KMT2C: variants seen among roughly 807,000 people sequenced by gnomAD.
KMT2C encodes lysine methyltransferase 2C.
KMT2C carries 88 observed loss-of-function variants against 507.9 expected under a neutral mutation model. The observed-to-expected ratio is 0.17, with a 90% CI of 0.15 to 0.21. The LOEUF (loss-of-function observed/expected upper bound fraction) is 0.21. KMT2C is among the 10% of genes least tolerant of loss of function. The probability of loss-of-function intolerance (pLI) is 1.00; values close to 1 mark genes in which losing one functional copy is unlikely to be tolerated. For synonymous variants in KMT2C, 2,049 were observed against 2,080.8 expected (o/e 0.98, Z 0.42); for missense variants, 4,954 against 5,957.8 (o/e 0.83, Z 5.55).
At chr7:152,331,309 C>CAAA (rs60887703) in intron 2 of KMT2C, among the ~76,000 whole-genome samples, 2 of 136,488 alleles carry the variant, frequency 1.5e-5, no homozygotes, top group African/African-American at 2.7e-5. Flanking sequence ...GACCCTGTCT[C>CAAA]AAAAAAAAAA....
rs374186125 is a variant in KMT2C at position 152,162,499 on chromosome 7, G to A, written c.11078C>T (p.Thr3693Ile). ...ATTTGCATACGTCTGTTGATTTGGA[G>A]TTGCTTGTGAGAAATCACTATTGGG... ...KLPNSDFSQA[T>I]PNQQTYANSE... The change falls in exon 43 of 59, where the codon ACT (threonine) becomes ATT (isoleucine). Residue 3693 changes from threonine to isoleucine, a missense_variant. Physicochemically the swap from Thr to Ile is moderately conservative, Grantham distance 89. Coordinates refer to ENST00000262189, the MANE Select transcript of KMT2C (RefSeq NM_170606.3). The A allele has an allele frequency of 4.3e-6, 7 of 1,614,116 alleles. No homozygotes were observed. Among genetic ancestry groups the A allele is most frequent in the South Asian group, 3.3e-5 (3 of 91,090 alleles).
intron 20 of KMT2C, among the ~76,000 whole-genome samples, chr7:152,223,236 T>C (rs775854457): frequency 3.3e-5 from 5 of 152,134 alleles, no homozygotes; most frequent in Non-Finnish European, 7.3e-5. Context: ...TACAACAATA[T>C]ACCAATGAAA....
intron 15 of KMT2C, among the ~76,000 whole-genome samples, chr7:152,236,169 T>C (rs1194603173): frequency 2.0e-5 from 3 of 152,290 alleles, no homozygotes; most frequent in Non-Finnish European, 4.4e-5. Context: ...CTGTGAATGC[T>C]ATCAGCAAGC....
chr7:152,195,608 A>G (rs2093938536), intron 28 of KMT2C: 15 of 900,860 alleles, frequency 1.7e-5, no homozygotes, highest in African/African-American at 1.8e-5. Flanking sequence ...TGATTACCAC[A>G]GGAGCAGGAA....
intron 42 of KMT2C, 123 bp downstream of exon 42, chr7:152,167,023 A>T: frequency 1.4e-6 from 1 of 727,358 alleles, no homozygotes; most frequent in Non-Finnish European, 2.3e-6. Flanking sequence ...TTGGCAATGT[A>T]CTTTTAATGC....
chr7:152,342,050 A>G (rs2096999785), intron 2 of KMT2C, among the ~76,000 whole-genome samples: 1 of 152,228 alleles, frequency 6.6e-6, no homozygotes, highest in South Asian at 2.1e-4. Flanking sequence ...TGGAACTCCA[A>G]TTCCACCTGT....
At chr7:152,214,227 A>C (rs2094519721) in intron 23 of KMT2C, among the ~76,000 whole-genome samples, 1 of 152,230 alleles carries the variant, frequency 6.6e-6, no homozygotes, top group East Asian at 1.9e-4. Context: ...ATATATTCAA[A>C]GGTAATAAAA....
chr7:152,310,122 A>G, intron 5 of KMT2C, 47 bp from the exon 6 acceptor site: 1 of 1,219,368 alleles, frequency 8.2e-7, no homozygotes, highest in Non-Finnish European at 1.2e-6. Context: ...ACATTAAAAA[A>G]ATTAAAGCTA....
intron 8 of KMT2C, among the ~76,000 whole-genome samples, 172 bp downstream of exon 8, chr7:152,264,866 T>C (rs1191885170): frequency 1.3e-5 from 2 of 151,472 alleles, no homozygotes; most frequent in Admixed American, 1.3e-4. Context: ...ATTATGGATA[T>C]ATACTGGATA....
intron 1 of KMT2C, among the ~76,000 whole-genome samples, chr7:152,369,598 A>G (rs977680402): frequency 2.0e-5 from 3 of 152,172 alleles, no homozygotes; most frequent in Non-Finnish European, 4.4e-5. Context: ...AGAGGGATTA[A>G]TGTCGTTCTG....
At chr7:152,140,420 C>T (rs1365324786) in intron 55 of KMT2C, among the ~76,000 whole-genome samples, 2 of 152,244 alleles carry the variant, frequency 1.3e-5, no homozygotes, top group Admixed American at 6.5e-5. Flanking sequence ...AAGCAGCTCT[C>T]ACTGCGCAGC....
chr7:152,282,187 C>T, intron 6 of KMT2C, among the ~76,000 whole-genome samples: 2 of 151,818 alleles, frequency 1.3e-5, no homozygotes. Flanking sequence ...ATCCTAGCTA[C>T]TCGAGAGACT....
intron 31 of KMT2C, among the ~76,000 whole-genome samples, chr7:152,192,053 A>T (rs922550185): frequency 6.6e-6 from 1 of 152,000 alleles, no homozygotes; most frequent in African/African-American, 2.4e-5. Context: ...AAAAAAAAGA[A>T]AAAGAAGTCA....
intron 2 of KMT2C, among the ~76,000 whole-genome samples, chr7:152,331,808 C>T (rs1054210135): frequency 6.6e-6 from 1 of 151,860 alleles, no homozygotes; most frequent in African/African-American, 2.4e-5. Flanking sequence ...ACCACCATGC[C>T]TGGCTAATTT....
chr7:152,346,312 C>A (rs1010247855), intron 2 of KMT2C, among the ~76,000 whole-genome samples: 1 of 152,142 alleles, frequency 6.6e-6, no homozygotes, highest in African/African-American at 2.4e-5. Flanking sequence ...GGGACACTTA[C>A]AAGGTAGACC....
At chr7:152,165,839 C>T (rs1444699885) in intron 42 of KMT2C, among the ~76,000 whole-genome samples, 3 of 152,166 alleles carry the variant, frequency 2.0e-5, no homozygotes, top group Non-Finnish European at 4.4e-5. Context: ...CAGGCACCTG[C>T]CACCATGCCT....
At chr7:152,196,179 T>C (rs2093955749) in intron 27 of KMT2C, among the ~76,000 whole-genome samples, 168 bp from the exon 28 acceptor site, 1 of 152,214 alleles carries the variant, frequency 6.6e-6, no homozygotes, top group Non-Finnish European at 1.5e-5. Flanking sequence ...AGATAATGTT[T>C]TGAATTACAA....
At chr7:152,395,637 A>G (rs1435114377) in intron 1 of KMT2C, among the ~76,000 whole-genome samples, 2 of 152,136 alleles carry the variant, frequency 1.3e-5, no homozygotes, top group Non-Finnish European at 2.9e-5. Context: ...CCTCCTGAGT[A>G]GCTGGGATTA....
intron 7 of KMT2C, among the ~76,000 whole-genome samples, chr7:152,271,852 CTTG>C (rs927530438): frequency 6.6e-6 from 1 of 151,910 alleles, no homozygotes; most frequent in Admixed American, 6.6e-5. Flanking sequence ...CAAGTGATGT[CTTG>C]TTATTATTAT....
Sources: allele counts gnomAD v4.1 joint callset (sites outside exome capture counted in the v4.1 genomes callset), GRCh38; gene constraint gnomAD v4.1.1; transcripts MANE v1.5; gene names NCBI Gene and HGNC (gene_info 2026-07-23, HGNC 2026-07-21).